The following GPC5 variants were observed in gnomAD, a reference collection of about 807,000 sequenced individuals.
GPC5 encodes the protein glypican 5, also known as glypican-5.
A neutral mutation model predicts 53.9 loss-of-function variants in GPC5; 47 were observed. The ratio of observed to expected loss-of-function variants is 0.87; its 90% confidence interval spans 0.69 to 1.11. The LOEUF (loss-of-function observed/expected upper bound fraction) is 1.11. Ranked by LOEUF, GPC5 falls within the 50% of genes most tolerant of loss-of-function variation. The probability of loss-of-function intolerance (pLI) is 0.00; values close to 1 mark genes in which losing one functional copy is unlikely to be tolerated. For missense variants in GPC5, 748 were observed against 713.1 expected (o/e 1.05, Z -0.56); for synonymous variants, 286 against 263.3 (o/e 1.09, Z -0.84).
chr13:92,160,490 G>A (rs972253818), intron 7 of GPC5, among the ~76,000 whole-genome samples: 1 of 152,142 alleles, frequency 6.6e-6, no homozygotes, highest in Non-Finnish European at 1.5e-5. Flanking sequence ...TCCAGAGGAA[G>A]ATAATCACAT....
chr13:91,955,163 T>C (rs1393525989), intron 6 of GPC5, among the ~76,000 whole-genome samples: 2 of 152,192 alleles, frequency 1.3e-5, no homozygotes, highest in African/African-American at 2.4e-5. Context: ...CAAAAATTAA[T>C]CTGGATATTC....
In GPC5 at chr13:92,396,169, T is replaced by C. The variant is rs1875260446; in HGVS notation, c.1561+251180T>C. ...ATTTATAGTTTGTTTTTGTTTTCCATTAACTTATCTGTTTGCATTTTTGTT... is the reference window on the plus strand; with the variant it reads ...ATTTATAGTTTGTTTTTGTTTTCCACTAACTTATCTGTTTGCATTTTTGTT... On this transcript the variant is annotated intron_variant, in intron 7 of 7. Transcript: ENST00000377067. Among the ~76,000 whole-genome samples the C allele has an allele frequency of 1.3e-5, 2 of 152,208 alleles. 1 individual carries two copies. The highest frequency in any genetic ancestry group is 4.1e-4 in the South Asian group (2 of 4,834).
intron 7 of GPC5, among the ~76,000 whole-genome samples, chr13:92,315,350 AATAATTG>A (rs2043172116): frequency 6.6e-6 from 1 of 152,036 alleles, no homozygotes; most frequent in African/African-American, 2.4e-5. Context: ...TTCAGATGTG[AATAATTG>A]GTAAGGACAC....
chr13:91,891,330 C>A (rs914514081), intron 5 of GPC5, among the ~76,000 whole-genome samples: 3 of 152,112 alleles, frequency 2.0e-5, no homozygotes, highest in Non-Finnish European at 2.9e-5. Flanking sequence ...CCTAGGCTTG[C>A]CAGGAAGTGA....
intron 7 of GPC5, among the ~76,000 whole-genome samples, chr13:92,810,552 CT>C (rs1877256671): frequency 6.6e-6 from 1 of 151,832 alleles, no homozygotes; most frequent in Non-Finnish European, 1.5e-5. Context: ...CCATTTTTTA[CT>C]GTCCCAAACA....
intron 6 of GPC5, among the ~76,000 whole-genome samples, chr13:91,997,614 G>A (rs2040515698): frequency 6.6e-6 from 1 of 152,142 alleles, no homozygotes; most frequent in Non-Finnish European, 1.5e-5. Flanking sequence ...CGCCTCCCAG[G>A]TTCCAGCGAT....
chr13:91,418,330 GA>G (rs749274644), intron 1 of GPC5, among the ~76,000 whole-genome samples: 7 of 152,130 alleles, frequency 4.6e-5, no homozygotes, highest in Non-Finnish European at 1.0e-4. Flanking sequence ...GTGGTGTTTA[GA>G]AATGAATAAA....
intron 7 of GPC5, among the ~76,000 whole-genome samples, chr13:92,615,539 A>G (rs1197815724): frequency 6.6e-6 from 1 of 152,190 alleles, no homozygotes; most frequent in Admixed American, 6.5e-5. Context: ...TTTCATTGGC[A>G]TTAAGAAGTT....
chr13:91,745,232 G>C (rs189840873), intron 4 of GPC5, among the ~76,000 whole-genome samples: 2 of 152,050 alleles, frequency 1.3e-5, no homozygotes, highest in Non-Finnish European at 2.9e-5. Flanking sequence ...TTGTAGAGGA[G>C]GATGCTTTCA....
At chr13:91,509,330 C>G (rs992224542) in intron 2 of GPC5, among the ~76,000 whole-genome samples, 10 of 149,796 alleles carry the variant, frequency 6.7e-5, no homozygotes, top group African/African-American at 2.4e-4. Context: ...AACTTGGGTT[C>G]ACTGTGAGAC....
chr13:91,651,607 A>G (rs1485231900), intron 2 of GPC5, among the ~76,000 whole-genome samples: 2 of 151,438 alleles, frequency 1.3e-5, no homozygotes, highest in African/African-American at 4.9e-5. Flanking sequence ...AATCCCAGCT[A>G]TTTGGGAGGC....
chr13:91,508,990 G>C (rs1885093551), intron 2 of GPC5, among the ~76,000 whole-genome samples: 1 of 152,066 alleles, frequency 6.6e-6, no homozygotes, highest in Non-Finnish European at 1.5e-5. Context: ...TAATCCATAA[G>C]ATAATCAAAT....
chr13:92,140,409 G>A (rs536710751), intron 6 of GPC5, among the ~76,000 whole-genome samples: 47 of 152,320 alleles, frequency 3.1e-4, no homozygotes, highest in Non-Finnish European at 1.5e-5. Flanking sequence ...TGGATGTTCA[G>A]TGAGGGAAGA....
At chr13:92,713,428 TA>T (rs556939674) in intron 7 of GPC5, among the ~76,000 whole-genome samples, 32,400 of 116,352 alleles carry the variant, frequency 0.28, 3,822 homozygotes, top group East Asian at 0.47. Flanking sequence ...CCGGCTCTAC[TA>T]AAAAAAAAAA....
intron 7 of GPC5, among the ~76,000 whole-genome samples, chr13:92,207,282 T>C (rs1041228208): frequency 1.3e-5 from 2 of 152,186 alleles, no homozygotes; most frequent in African/African-American, 4.8e-5. Flanking sequence ...ACCACAATTT[T>C]GCCAGATGGA....
intron 6 of GPC5, among the ~76,000 whole-genome samples, chr13:92,109,823 CT>C (rs2041542451): frequency 6.6e-6 from 1 of 152,038 alleles, no homozygotes; most frequent in Non-Finnish European, 1.5e-5. Context: ...CTCTTTGATT[CT>C]TTCATTTGAT....
At chr13:92,186,123 C>T (rs1364186367) in intron 7 of GPC5, among the ~76,000 whole-genome samples, 1 of 151,984 alleles carries the variant, frequency 6.6e-6, no homozygotes, top group Admixed American at 6.6e-5. Flanking sequence ...AACAGAGTTG[C>T]TGCTCAAAGT....
intron 6 of GPC5, among the ~76,000 whole-genome samples, chr13:91,934,425 T>G (rs1297379485): frequency 1.3e-5 from 2 of 151,920 alleles, no homozygotes. Context: ...ATTATTATTT[T>G]GAGAGTAATA....
intron 7 of GPC5, among the ~76,000 whole-genome samples, chr13:92,754,591 C>T (rs369877120): frequency 2.0e-5 from 3 of 151,326 alleles, no homozygotes; most frequent in African/African-American, 4.9e-5. Flanking sequence ...ACCCATCTCA[C>T]GTGCAGAGAC....
Sources: allele counts gnomAD v4.1 joint callset (sites outside exome capture counted in the v4.1 genomes callset), GRCh38; gene constraint gnomAD v4.1.1; transcripts MANE v1.5; gene names NCBI Gene and HGNC (gene_info 2026-07-23, HGNC 2026-07-21).